Variants in SASH1 observed in about 807,000 individuals in gnomAD.
SASH1 encodes SAM and SH3 domain containing 1.
Under a neutral mutation model 125.2 loss-of-function variants are expected in SASH1, and 44 were observed. The ratio of observed to expected loss-of-function variants is 0.35; its 90% CI spans 0.28 to 0.45. SASH1 has a LOEUF of 0.45. Among genes scored for constraint, SASH1 ranks in the 20% least tolerant of loss-of-function variants. SASH1 has a pLI of 1.00. For synonymous variants in SASH1, 639 were observed against 649.1 expected, an observed-to-expected ratio of 0.98 and a Z score of 0.24; for missense variants, 1,426 against 1,614.5, an observed-to-expected ratio of 0.88 and a Z score of 2.00.
chr6:148,259,580 G>A, the SASH1 span, among the ~76,000 whole-genome samples: 810 of 152,288 alleles, frequency 5.3e-3, 1 homozygote, highest in Non-Finnish European at 9.2e-3. Context: ...GGTGCCCCGG[G>A]AAGGCAGGGC....
the SASH1 span, among the ~76,000 whole-genome samples, chr6:148,209,232 G>A: frequency 6.6e-6 from 1 of 152,198 alleles, no homozygotes; most frequent in Non-Finnish European, 1.5e-5. Context: ...ATATTTGTCT[G>A]GCAGCTATTC....
intron 4 of SASH1, among the ~76,000 whole-genome samples, chr6:148,454,211 G>A (rs1356241791): frequency 6.6e-6 from 1 of 152,188 alleles, no homozygotes; most frequent in Non-Finnish European, 1.5e-5. Context: ...GGACTGAGGA[G>A]CTGAGGAGGA....
At position 148,484,867 on chromosome 6, in the gene SASH1, A is replaced by G. The variant is rs533189943; in HGVS notation, c.628-2747A>G. Among the ~76,000 whole-genome samples the G allele has an allele frequency of 2.1e-4, 32 of 152,206 alleles. No homozygotes were observed. The South Asian group carries it at 6.2e-3, about 30-fold the overall frequency. ...CTGAGATGGGAGGATTGCTTGAATCAGGGAGATCAAGGTTGCAATGAGCCG... is the reference window on the plus strand; with the variant it reads ...CTGAGATGGGAGGATTGCTTGAATCGGGGAGATCAAGGTTGCAATGAGCCG... On this transcript the variant is annotated intron_variant, in intron 7 of 19. Coordinates refer to ENST00000367467, the MANE Select transcript of SASH1 (RefSeq NM_015278.5).
chr6:148,401,147 C>T lies in SASH1; in HGVS notation c.285+10885C>T, dbSNP rs184358896. ...CGCATGCCTGTAGTCACAGCTACTT[C>T]GGAGGTTAAGGTGGGAGGATGGCTT... On this transcript the variant is annotated intron_variant, in intron 2 of 19. Coordinates refer to ENST00000367467, the MANE Select transcript of SASH1 (RefSeq NM_015278.5). Among the ~76,000 whole-genome samples, 37 of 151,206 alleles carry T rather than the reference C, an allele frequency of 2.4e-4. No homozygotes were observed. In the East Asian group the frequency reaches 7.3e-3, roughly 30 times the overall value.
intron 2 of SASH1, among the ~76,000 whole-genome samples, chr6:148,406,899 A>G (rs1784400693): frequency 1.3e-5 from 2 of 151,276 alleles, no homozygotes; most frequent in South Asian, 4.2e-4. Context: ...AGGCTCTCCA[A>G]GGGAGGAGCA....
chr6:148,363,011 A>G (rs965008382), intron 1 of SASH1, among the ~76,000 whole-genome samples: 1 of 152,194 alleles, frequency 6.6e-6, no homozygotes, highest in African/African-American at 2.4e-5. Flanking sequence ...AGTGCAGCAT[A>G]GAAGTCTTAT....
the SASH1 span, among the ~76,000 whole-genome samples, chr6:148,195,398 A>T: frequency 6.6e-6 from 1 of 152,218 alleles, no homozygotes; most frequent in Non-Finnish European, 1.5e-5. Flanking sequence ...TACACAAAGG[A>T]CTGAGACGTA....
intron 2 of SASH1, among the ~76,000 whole-genome samples, chr6:148,431,976 A>AT (rs5880778): frequency 0.02 from 2,736 of 140,022 alleles, 73 homozygotes; most frequent in African/African-American, 0.062. Flanking sequence ...AAGTAATATA[A>AT]TTTTTTTTTT....
intron 1 of SASH1, among the ~76,000 whole-genome samples, chr6:148,358,861 G>A (rs922138914): frequency 2.7e-5 from 4 of 145,972 alleles, no homozygotes; most frequent in Admixed American, 7.1e-5. Context: ...TCAGCCTCCC[G>A]AGTAGCTGGG....
intron 4 of SASH1, among the ~76,000 whole-genome samples, chr6:148,464,547 G>GAGCAT (rs907727153): frequency 1.2e-4 from 19 of 152,170 alleles, no homozygotes; most frequent in Non-Finnish European, 2.1e-4. Flanking sequence ...GCTGACGTCT[G>GAGCAT]AGCATTAATT....
At chr6:148,464,121 T>G (rs974491085) in intron 4 of SASH1, among the ~76,000 whole-genome samples, 1 of 152,228 alleles carries the variant, frequency 6.6e-6, no homozygotes, top group African/African-American at 2.4e-5. Context: ...ATTTTTATTT[T>G]TCAATGGGAT....
chr6:148,278,656 GA>G (rs1189201591), intron 1 of SASH1: 1 of 151,884 alleles, frequency 6.6e-6, no homozygotes, highest in Non-Finnish European at 1.5e-5. Context: ...CCCATCATTA[GA>G]AAAAAGAAAA....
At chr6:148,310,309 G>A (rs1780266817) in intron 1 of SASH1, among the ~76,000 whole-genome samples, 1 of 151,838 alleles carries the variant, frequency 6.6e-6, no homozygotes, top group Non-Finnish European at 1.5e-5. Flanking sequence ...CGACAAGAGT[G>A]AAACGTTGTC....
chr6:148,312,318 G>A (rs568150477), intron 1 of SASH1, among the ~76,000 whole-genome samples: 12 of 152,164 alleles, frequency 7.9e-5, no homozygotes, highest in Non-Finnish European at 1.5e-4. Context: ...GAAAAAAGAA[G>A]CAATACTCTA....
Position 148,548,596 on chromosome 6 carries a change from C to CT in SASH1, c.*41dup, listed in dbSNP as rs1562508874. On this transcript the variant is annotated 3_prime_UTR_variant, in exon 20 of 20. Coordinates refer to ENST00000367467, the MANE Select transcript of SASH1 (RefSeq NM_015278.5). ...TGGGCCTCTCTGGACAAGAGCCACC[C>CT]TTTCACTGTGCATATGATGCTGATG... 1.9e-6 allele frequency: 3 copies of CT among 1,547,260 alleles called. No individual in the cohort carries two copies. Among genetic ancestry groups the CT allele is most frequent in the Non-Finnish European group, 2.6e-6 (3 of 1,150,414 alleles).
At chr6:148,423,623 T>C (rs1269062421) in intron 2 of SASH1, among the ~76,000 whole-genome samples, 1 of 152,224 alleles carries the variant, frequency 6.6e-6, no homozygotes, top group African/African-American at 2.4e-5. Flanking sequence ...TCCGACGTTA[T>C]TTATATGATA....
intron 8 of SASH1, among the ~76,000 whole-genome samples, chr6:148,492,970 A>C (rs147112455): frequency 6.6e-6 from 1 of 152,222 alleles, no homozygotes; most frequent in Non-Finnish European, 1.5e-5. Context: ...ATGGCCCGCA[A>C]ATAAATTCAG....
chr6:148,522,892 G>A (rs1363210121), intron 10 of SASH1, among the ~76,000 whole-genome samples: 2 of 152,106 alleles, frequency 1.3e-5, no homozygotes, highest in African/African-American at 4.8e-5. Flanking sequence ...TGATCTTATA[G>A]AAAAAGTTAG....
chr6:148,410,976 A>G (rs866553505), intron 2 of SASH1, among the ~76,000 whole-genome samples: 3 of 152,196 alleles, frequency 2.0e-5, no homozygotes, highest in Non-Finnish European at 2.9e-5. Flanking sequence ...CCTGACCAAC[A>G]TGGCGAAAAC....
Sources: allele counts gnomAD v4.1 joint callset (sites outside exome capture counted in the v4.1 genomes callset), GRCh38; gene constraint gnomAD v4.1.1; transcripts MANE v1.5; gene names NCBI Gene and HGNC (gene_info 2026-07-23, HGNC 2026-07-21).